GRID2: variants seen among roughly 807,000 people sequenced by gnomAD.
GRID2 encodes glutamate receptor ionotropic, delta-2.
A neutral mutation model predicts 114.8 loss-of-function variants in GRID2; 33 were observed. That is an observed-to-expected ratio of 0.29 (90% CI 0.22 to 0.38). The LOEUF is 0.38. GRID2 is among the 10% of genes least tolerant of loss of function. The probability of loss-of-function intolerance (pLI) is 1.00; values close to 1 mark genes in which losing one functional copy is unlikely to be tolerated. For synonymous variants in GRID2, 505 were observed against 449.9 expected, an observed-to-expected ratio of 1.12 and a Z score of -1.55; for missense variants, 1,184 against 1,257.7, an observed-to-expected ratio of 0.94 and a Z score of 0.89.
At chr4:92,959,664 A>G (rs1228909320) in intron 2 of GRID2, among the ~76,000 whole-genome samples, 2 of 152,206 alleles carry the variant, frequency 1.3e-5, no homozygotes, top group East Asian at 1.9e-4. Context: ...ACCATGGAAT[A>G]CAATGCAGCC....
chr4:92,617,910 TATTA>T (rs1321708872), intron 2 of GRID2, among the ~76,000 whole-genome samples: 2 of 151,706 alleles, frequency 1.3e-5, no homozygotes, highest in African/African-American at 4.8e-5. Flanking sequence ...ATAGTCTAGA[TATTA>T]ATCCCCTGTT....
chr4:92,433,869 C>T (rs1453452052), intron 1 of GRID2, among the ~76,000 whole-genome samples: 1 of 152,038 alleles, frequency 6.6e-6, no homozygotes, highest in South Asian at 2.1e-4. Flanking sequence ...TAAAAGATAA[C>T]ATACACATAT....
chr4:92,945,759 A>G (rs1463572974), intron 2 of GRID2, among the ~76,000 whole-genome samples: 1 of 152,138 alleles, frequency 6.6e-6, no homozygotes, highest in Non-Finnish European at 1.5e-5. Context: ...GGATGATGGA[A>G]GAGTGCAGTT....
In GRID2 at chr4:93,769,427, G is replaced by A. The variant is rs1733940073; in HGVS notation, c.2578G>A (p.Gly860Ser). The change falls in exon 15 of 16, where the codon GGC (glycine) becomes AGC (serine). Residue 860 changes from glycine (G) to serine (S), a missense_variant. By Grantham distance (56) the Gly-to-Ser change is moderately conservative. Around this residue, in one of 3 missense-constraint regions of GRID2, gnomAD observed 717 missense variants for 796.9 expected, o/e 0.90. Coordinates refer to ENST00000282020, the MANE Select transcript of GRID2 (RefSeq NM_001510.4). ...MLETWWNKRK[G>S]SRVPSKEDDK... is the part of the protein sequence containing the mutation. ...GGAGACGTGGTGGAACAAGAGGAAA[G>A]GCTCCCGGGTTCCATCAAAAGAGGT... is the stretch of plus-strand genomic sequence containing the variant. The A allele has an allele frequency of 1.2e-6, 2 of 1,613,832 alleles. No homozygotes were observed. The highest frequency in any genetic ancestry group is 1.7e-6 in the Non-Finnish European group (2 of 1,179,912).
chr4:92,674,509 A>AT, intron 2 of GRID2, among the ~76,000 whole-genome samples: 1 of 151,860 alleles, frequency 6.6e-6, no homozygotes, highest in South Asian at 2.1e-4. Flanking sequence ...CTCTTTACCC[A>AT]TTTGTTTATT....
At chr4:93,282,760 G>A (rs775572367) in intron 8 of GRID2, among the ~76,000 whole-genome samples, 5 of 152,098 alleles carry the variant, frequency 3.3e-5, no homozygotes, top group Non-Finnish European at 7.4e-5. Context: ...ATAAAGAAAA[G>A]AGTTTTAATT....
chr4:92,988,103 A>G (rs574702145), intron 2 of GRID2, among the ~76,000 whole-genome samples: 90 of 152,342 alleles, frequency 5.9e-4, no homozygotes, highest in African/African-American at 2.1e-3. Flanking sequence ...TCAGCAACTT[A>G]AAACCACAAA....
intron 1 of GRID2, among the ~76,000 whole-genome samples, chr4:92,460,723 G>T (rs1480811145): frequency 2.6e-5 from 4 of 152,164 alleles, no homozygotes; most frequent in African/African-American, 9.6e-5. Context: ...GACTCATTTT[G>T]AAAGTCTAAA....
At chr4:93,083,084 A>T (rs1399916565) in intron 2 of GRID2, among the ~76,000 whole-genome samples, 5 of 152,090 alleles carry the variant, frequency 3.3e-5, no homozygotes, top group Non-Finnish European at 7.4e-5. Flanking sequence ...ATATTTACTT[A>T]ATTTCCTGTA....
At chr4:92,418,845 G>A (rs1269713399) in intron 1 of GRID2, among the ~76,000 whole-genome samples, 2 of 151,914 alleles carry the variant, frequency 1.3e-5, no homozygotes, top group Admixed American at 6.6e-5. Context: ...CTATAGAGAA[G>A]AGCTTCAAAA....
At position 93,769,126 on chromosome 4, in the gene GRID2, G is replaced by A. The variant is rs1384800472; in HGVS notation, c.2361-84G>A. On this transcript the variant is annotated intron_variant, in intron 14 of 15. Transcript: ENST00000282020. ...TCCCTTTGACAGCCACCATCCTACA[G>A]AGGTGGGATTATAAATGGATGTGTT... The A allele has an allele frequency of 5.4e-6, 7 of 1,305,732 alleles. No homozygotes were observed. The South Asian group carries it at 7.5e-5, about 14-fold the overall frequency. The allele number at this position is 1,305,732 out of a possible 1,614,324, so 80.9% of individuals were successfully genotyped here. A position where few individuals can be genotyped will look rare whatever the true frequency, so the allele number is the denominator to read the frequency against.
chr4:92,649,988 G>C (rs1001909910), intron 2 of GRID2, among the ~76,000 whole-genome samples: 1 of 151,926 alleles, frequency 6.6e-6, no homozygotes, highest in African/African-American at 2.4e-5. Flanking sequence ...AAGTTGAGGA[G>C]CATATTGAAT....
rs146819768 is a variant in GRID2, at chr4:92,834,260, T to C, written c.244+243974T>C. On this transcript the variant is annotated intron_variant, in intron 2 of 15. Transcript: ENST00000282020. ...ATGGGAGGTTCTCTTTTGATTTTTA[T>C]TTCATATATTTTCTTTTGTTTTGTC... is the stretch of plus-strand genomic sequence containing the variant. Among the ~76,000 whole-genome samples the C allele has an allele frequency of 2.2e-4, 33 of 152,320 alleles. 1 individual carries two copies. In the East Asian group the frequency reaches 6.2e-3, roughly 28 times the overall value.
At position 93,608,286 on chromosome 4, in the gene GRID2, A is replaced by G. The variant is rs71616385; in HGVS notation, c.2194-17983A>G. Reference sequence around the variant, plus strand: ...AAACTATTTAGTCCAACTGAAAATTATTTTTTTTTCTTTTTTTTTTTTTAA... The same window carrying G: ...AAACTATTTAGTCCAACTGAAAATTGTTTTTTTTTCTTTTTTTTTTTTTAA... On this transcript the variant is annotated intron_variant, in intron 13 of 15. Coordinates refer to ENST00000282020, the MANE Select transcript of GRID2 (RefSeq NM_001510.4). Among the ~76,000 whole-genome samples, 10 of 84,046 alleles carry G rather than the reference A, an allele frequency of 1.2e-4. 1 individual carries two copies. In the South Asian group the frequency reaches 4.2e-3, roughly 35 times the overall value. 55.1% of individuals were successfully genotyped at this position (84,046 alleles called of 152,430 possible). A position where few individuals can be genotyped will look rare whatever the true frequency, so the allele number is the denominator to read the frequency against.
At chr4:93,534,634 AC>A (rs1313233426) in intron 13 of GRID2, among the ~76,000 whole-genome samples, 1 of 152,078 alleles carries the variant, frequency 6.6e-6, no homozygotes, top group Admixed American at 6.6e-5. Context: ...CCCCAAAATA[AC>A]CCCCAAAAAA....
Position 92,304,557 on chromosome 4 carries a change from G to C in GRID2, c.-100G>C. 1.3e-6 allele frequency: 1 copy of C among 769,862 alleles called. No individual in the cohort carries two copies. Among genetic ancestry groups the C allele is most frequent in the Non-Finnish European group, 2.3e-6 (1 of 443,870 alleles). The allele number at this position is 769,862 out of a possible 1,614,324, so 47.7% of individuals were successfully genotyped here. ...ATAGGAATTTAGAAAAAAAGAAAAA[G>C]CTGCGCTAAACTCCACCGTGACCTC... is the stretch of plus-strand genomic sequence containing the variant. On this transcript the variant is annotated 5_prime_UTR_variant, in exon 1 of 16. Transcript: ENST00000282020.
chr4:93,000,131 T>G (rs1362113769), intron 2 of GRID2, among the ~76,000 whole-genome samples: 1 of 151,616 alleles, frequency 6.6e-6, no homozygotes, highest in Non-Finnish European at 1.5e-5. Flanking sequence ...TGTATAGTCT[T>G]TTGTGAAAAA....
intron 2 of GRID2, among the ~76,000 whole-genome samples, chr4:92,810,972 G>A (rs1030922184): frequency 6.6e-6 from 1 of 151,948 alleles, no homozygotes; most frequent in Non-Finnish European, 1.5e-5. Flanking sequence ...TAGTAGAGAT[G>A]AAGTTTCACC....
At chr4:92,923,022 G>C (rs757841588) in intron 2 of GRID2, among the ~76,000 whole-genome samples, 1 of 152,072 alleles carries the variant, frequency 6.6e-6, no homozygotes, top group Non-Finnish European at 1.5e-5. Context: ...TATGAATTTT[G>C]TTCTTTTTTG....
Sources: allele counts gnomAD v4.1 joint callset (sites outside exome capture counted in the v4.1 genomes callset), GRCh38; gene constraint gnomAD v4.1.1; regional missense constraint gnomAD v4.1.1; transcripts MANE v1.5; gene names NCBI Gene and HGNC (gene_info 2026-07-23, HGNC 2026-07-21).